Variants in CUL2 observed in about 807,000 individuals in gnomAD.
The protein encoded by CUL2 is cullin 2.
Under a neutral mutation model 110.2 loss-of-function variants are expected in CUL2, and 22 were observed. That is an observed-to-expected ratio of 0.20 (90% CI 0.14 to 0.28). CUL2 has a LOEUF of 0.28. Among genes scored for constraint, CUL2 ranks in the 10% least tolerant of loss-of-function variants. The pLI, the probability that CUL2 is intolerant of heterozygous loss-of-function variation, is 1.00. For missense variants in CUL2, 631 were observed against 905.5 expected (o/e 0.70, Z 3.89); for synonymous variants, 279 against 293.2 (o/e 0.95, Z 0.49).
chr10:35,010,877 A>G (rs1205256605), intron 20 of CUL2, among the ~76,000 whole-genome samples: 2 of 152,210 alleles, frequency 1.3e-5, no homozygotes, highest in Non-Finnish European at 2.9e-5. Context: ...GTGAACTCCA[A>G]AAAAGCCTGC....
chr10:35,082,233 C>T (rs908871324), intron 1 of CUL2, among the ~76,000 whole-genome samples: 7 of 152,038 alleles, frequency 4.6e-5, no homozygotes, highest in Non-Finnish European at 5.9e-5. Flanking sequence ...TAAAAAGTTC[C>T]GATATATGCT....
At chr10:35,065,885 A>G (rs1285993516) in intron 2 of CUL2, among the ~76,000 whole-genome samples, 3 of 152,108 alleles carry the variant, frequency 2.0e-5, no homozygotes, top group Non-Finnish European at 4.4e-5. Flanking sequence ...CAAAATAACT[A>G]GGTCAGATTT....
chr10:35,065,630 A>C (rs945632792), intron 2 of CUL2, among the ~76,000 whole-genome samples: 1 of 151,682 alleles, frequency 6.6e-6, no homozygotes, highest in Non-Finnish European at 1.5e-5. Context: ...AAAATAAATA[A>C]ATAAATAAAA....
At position 35,032,500 on chromosome 10, in the gene CUL2, TA is replaced by T; in HGVS notation, c.1111-7del. On this transcript the variant is annotated splice_region_variant and splice_polypyrimidine_tract_variant and intron_variant, in intron 11 of 20. Transcript: ENST00000374749. ...TTTACAACTGACGTAAGGGCCTGAA[TA>T]AAAAAACACGCCATAATTAACCACC... The T allele has an allele frequency of 5.1e-6, 8 of 1,575,764 alleles. No homozygotes were observed. Among genetic ancestry groups the T allele is most frequent in the Admixed American group, 4.0e-5 (2 of 50,376 alleles).
At position 35,044,760 on chromosome 10, in the gene CUL2, G is replaced by T. The variant is rs370171417; in HGVS notation, c.603+12C>A. On this transcript the variant is annotated intron_variant, in intron 7 of 20. Transcript: ENST00000374749. Reference sequence around the variant, plus strand: ...ACAGTCTGATTATTTGTTTTTAAAGGAGGCTGTTTACCTTTAAGGGGAATT... The same window carrying T: ...ACAGTCTGATTATTTGTTTTTAAAGTAGGCTGTTTACCTTTAAGGGGAATT... 1 of 1,597,094 alleles carries T rather than the reference G, an allele frequency of 6.3e-7. No individual in the cohort carries two copies. Among genetic ancestry groups the T allele is most frequent in the Non-Finnish European group, 8.6e-7 (1 of 1,167,546 alleles).
intron 1 of CUL2, among the ~76,000 whole-genome samples, chr10:35,082,976 G>A (rs1425801151): frequency 6.6e-6 from 1 of 151,966 alleles, no homozygotes; most frequent in Admixed American, 6.6e-5. Context: ...TGGCCAACAT[G>A]GTGAAACCCC....
chr10:35,043,078 A>C (rs2085836659), intron 8 of CUL2, among the ~76,000 whole-genome samples: 1 of 152,110 alleles, frequency 6.6e-6, no homozygotes, highest in Non-Finnish European at 1.5e-5. Context: ...CTGTGGTGTG[A>C]GAGTAGAGGA....
At chr10:35,028,586 C>T (rs1462314009) in intron 16 of CUL2, among the ~76,000 whole-genome samples, 1 of 152,142 alleles carries the variant, frequency 6.6e-6, no homozygotes, top group Non-Finnish European at 1.5e-5. Flanking sequence ...GAATAAGAGA[C>T]ATGCTTTGAC....
chr10:35,092,596 A>G (rs142857963), upstream of CUL2, among the ~76,000 whole-genome samples: 1 of 152,310 alleles, frequency 6.6e-6, no homozygotes, highest in Non-Finnish European at 1.5e-5. Flanking sequence ...TACAGGCTGA[A>G]CTACCTGCAT....
chr10:35,084,637 G>A (rs984392188), intron 1 of CUL2, among the ~76,000 whole-genome samples: 1 of 152,092 alleles, frequency 6.6e-6, no homozygotes, highest in African/African-American at 2.4e-5. Flanking sequence ...AAATCACTCT[G>A]AATAGATATT....
At chr10:35,079,598 A>G (rs2086899218) in intron 1 of CUL2, 1 of 152,936 alleles carries the variant, frequency 6.5e-6, no homozygotes, top group African/African-American at 2.4e-5. Flanking sequence ...GAGATTTGAC[A>G]GCAAAACTAG....
intron 4 of CUL2, among the ~76,000 whole-genome samples, chr10:35,055,278 G>A (rs2086214837): frequency 6.6e-6 from 1 of 152,254 alleles, no homozygotes; most frequent in Non-Finnish European, 1.5e-5. Context: ...AATAGCTACT[G>A]ACAATACAAG....
At chr10:35,073,295 C>G (rs975225895) in intron 1 of CUL2, among the ~76,000 whole-genome samples, 5 of 152,138 alleles carry the variant, frequency 3.3e-5, no homozygotes, top group Non-Finnish European at 5.9e-5. Flanking sequence ...GTGGGAGAAC[C>G]TACTGAGTTT....
At chr10:35,015,243 A>G (rs1029410819) in intron 18 of CUL2, among the ~76,000 whole-genome samples, 6 of 151,902 alleles carry the variant, frequency 3.9e-5, no homozygotes, top group African/African-American at 1.5e-4. Context: ...CAGTGAGCCA[A>G]GATCACGCCA....
chr10:35,044,740 CTGAT>C (rs770119667), intron 7 of CUL2, 28 bp downstream of exon 7: 1 of 1,584,090 alleles, frequency 6.3e-7, no homozygotes, highest in Admixed American at 1.7e-5. Context: ...AATTAACAGT[CTGAT>C]TATTTGTTTT....
intron 8 of CUL2, among the ~76,000 whole-genome samples, chr10:35,044,051 C>CAAAAAAA (rs534515519): frequency 1.1e-5 from 1 of 87,794 alleles, no homozygotes; most frequent in African/African-American, 4.6e-5. Context: ...ACCACATCTC[C>CAAAAAAA]AAAAAAAAAA....
At chr10:35,022,779 G>T (rs994308753) in intron 17 of CUL2, among the ~76,000 whole-genome samples, 3 of 152,180 alleles carry the variant, frequency 2.0e-5, no homozygotes, top group Non-Finnish European at 4.4e-5. Context: ...GGGCACGGTG[G>T]CTCATGCCTG....
intron 5 of CUL2, among the ~76,000 whole-genome samples, chr10:35,052,266 C>G (rs1251270593): frequency 6.6e-6 from 1 of 152,114 alleles, no homozygotes; most frequent in African/African-American, 2.4e-5. Flanking sequence ...TTCTTAATAG[C>G]ATGAATGGGG....
intron 5 of CUL2, among the ~76,000 whole-genome samples, chr10:35,050,048 T>C (rs545810964): frequency 6.6e-6 from 1 of 152,244 alleles, no homozygotes; most frequent in East Asian, 1.9e-4. Context: ...TTAGGCCAGG[T>C]ACAGTGGGTA....
Sources: gnomAD v4.1 joint callset for allele counts (sites outside exome capture counted in the v4.1 genomes callset) on GRCh38, gnomAD v4.1.1 for gene constraint, MANE v1.5 for transcripts, NCBI Gene and HGNC (gene_info 2026-07-23, HGNC 2026-07-21) for gene names.